Variants in ZEB2 observed in about 807,000 individuals in gnomAD.
ZEB2 encodes zinc finger E-box-binding homeobox 2.
In ZEB2, 6 loss-of-function variants were observed where a neutral mutation model predicts 99.9. The observed-to-expected ratio is 0.06, with a 90% CI of 0.03 to 0.12. The LOEUF is 0.12. Ranked by LOEUF, ZEB2 falls within the 10% of genes least tolerant of loss-of-function variation. The probability of loss-of-function intolerance (pLI) is 1.00; values close to 1 mark genes in which losing one functional copy is unlikely to be tolerated. For missense variants in ZEB2, 969 were observed against 1,502.8 expected (o/e 0.64, Z 5.87); for synonymous variants, 517 against 542.5 (o/e 0.95, Z 0.65).
chr2:144,424,220 T>TA, intron 4 of ZEB2: 1 of 356,672 alleles, frequency 2.8e-6, no homozygotes, highest in South Asian at 2.2e-5. Flanking sequence ...TTAGCTTCAT[T>TA]AAAAATAAGT....
chr2:144,479,135 A>G (rs1281461134), intron 2 of ZEB2, among the ~76,000 whole-genome samples: 1 of 152,244 alleles, frequency 6.6e-6, no homozygotes, highest in Non-Finnish European at 1.5e-5. Context: ...ATAGTTTAAA[A>G]ATAATTTTTA....
At position 144,399,653 on chromosome 2, in the gene ZEB2, C is replaced by T. The variant is rs141781307; in HGVS notation, c.1534G>A (p.Gly512Ser). 9 of 1,614,130 alleles carry T rather than the reference C, an allele frequency of 5.6e-6. No individual in the cohort carries two copies. The highest frequency in any genetic ancestry group is 5.0e-5 in the Admixed American group (3 of 60,020). The part of the protein sequence containing the change: ...GVTSPNIPPV[G>S]LPVVSHNGAT... ...CCATTATGACTCACTACCGGAAGAC[C>T]GACAGGCGGAATATTAGGAGAAGTA... The change falls in exon 8 of 10, where the codon GGT (glycine) becomes AGT (serine). Residue 512 changes from glycine (G) to serine (S), a missense_variant. By Grantham distance (56) the Gly-to-Ser change is moderately conservative (BLOSUM62 0). Around this residue, in one of 8 missense-constraint regions of ZEB2, gnomAD observed 227 missense variants for 278.2 expected, o/e 0.82. Coordinates refer to ENST00000627532, the MANE Select transcript of ZEB2 (RefSeq NM_014795.4). This position sits in a 1 kb window ranked among gnomAD's most constrained non-coding sequence, Gnocchi z 5.6.
chr2:144,428,315 C>G (rs2149890483), intron 3 of ZEB2: 1 of 152,262 alleles, frequency 6.6e-6, no homozygotes, highest in East Asian at 1.9e-4. Context: ...GAATCATTGG[C>G]TCTTATTATA....
chr2:144,407,577 A>C (rs1406833792), intron 4 of ZEB2, among the ~76,000 whole-genome samples: 3 of 152,202 alleles, frequency 2.0e-5, no homozygotes, highest in Non-Finnish European at 4.4e-5. Flanking sequence ...ATCACCTTTT[A>C]CTTTTGATGG....
intron 2 of ZEB2, chr2:144,513,706 G>C: frequency 2.0e-6 from 3 of 1,535,956 alleles, no homozygotes; most frequent in Non-Finnish European, 2.6e-6. Context: ...AGGGGCAAAA[G>C]CAACAAACTT....
chr2:144,452,379 GA>G (rs796140636), intron 2 of ZEB2, among the ~76,000 whole-genome samples: 7 of 149,856 alleles, frequency 4.7e-5, no homozygotes, highest in African/African-American at 7.4e-5. Flanking sequence ...CAAGGAAAAG[GA>G]AAAAAAAAGT....
chr2:144,443,739 A>T (rs1315887618), intron 2 of ZEB2, among the ~76,000 whole-genome samples: 1 of 152,146 alleles, frequency 6.6e-6, no homozygotes, highest in Non-Finnish European at 1.5e-5. Flanking sequence ...GATTCCTTTC[A>T]CTTTTCGCTC....
intron 2 of ZEB2, among the ~76,000 whole-genome samples, chr2:144,452,408 G>A (rs1456309236): frequency 6.6e-6 from 1 of 152,122 alleles, no homozygotes; most frequent in Non-Finnish European, 1.5e-5. Context: ...TGCTTCTAAG[G>A]AGAGGAAACA....
chr2:144,423,041 T>G (rs1703640786), intron 4 of ZEB2, among the ~76,000 whole-genome samples: 1 of 152,178 alleles, frequency 6.6e-6, no homozygotes, highest in Non-Finnish European at 1.5e-5. Context: ...ATTGATTTAT[T>G]TATTGACTGA....
intron 9 of ZEB2, chr2:144,390,443 C>T (rs1703141146): frequency 6.6e-6 from 2 of 302,560 alleles, no homozygotes; most frequent in African/African-American, 4.4e-5. Context: ...ATGGCATCAT[C>T]GCTGGCATTG....
chr2:144,425,640 A>G (rs1291782643), intron 3 of ZEB2, among the ~76,000 whole-genome samples: 1 of 152,140 alleles, frequency 6.6e-6, no homozygotes, highest in Non-Finnish European at 1.5e-5. Flanking sequence ...ATTGTCAAAA[A>G]CTGCAATATT....
chr2:144,441,631 A>G (rs1703919480), intron 2 of ZEB2, among the ~76,000 whole-genome samples: 1 of 152,104 alleles, frequency 6.6e-6, no homozygotes, highest in African/African-American at 2.4e-5. Context: ...TTTACTGTAA[A>G]CAAATGTACT....
chr2:144,440,718 T>C (rs1289830828), intron 2 of ZEB2, among the ~76,000 whole-genome samples: 1 of 151,606 alleles, frequency 6.6e-6, no homozygotes, highest in Non-Finnish European at 1.5e-5. Context: ...CCTTTACCCT[T>C]TAAATTTTTA....
intron 2 of ZEB2, among the ~76,000 whole-genome samples, chr2:144,459,655 C>G (rs1419666971): frequency 1.3e-5 from 2 of 152,164 alleles, no homozygotes; most frequent in Admixed American, 1.3e-4. Flanking sequence ...AAAAACACTT[C>G]ACAACTCATA....
intron 7 of ZEB2, among the ~76,000 whole-genome samples, chr2:144,400,961 T>C (rs2149877859): frequency 6.6e-6 from 1 of 152,332 alleles, no homozygotes; most frequent in African/African-American, 2.4e-5. Flanking sequence ...CTAGATTTTG[T>C]AATAAATCAA....
chr2:144,411,358 T>C (rs908038883), intron 4 of ZEB2, among the ~76,000 whole-genome samples: 3 of 151,952 alleles, frequency 2.0e-5, no homozygotes, highest in African/African-American at 7.3e-5. Flanking sequence ...ATGTAGTCAT[T>C]TGTATTGAGT....
chr2:144,494,299 A>G (rs1204809501), intron 2 of ZEB2: 1 of 152,186 alleles, frequency 6.6e-6, no homozygotes, highest in East Asian at 1.9e-4. Flanking sequence ...TAAAATCTAG[A>G]CTGTTGAAAA....
At chr2:144,414,616 C>G (rs1703511424) in intron 4 of ZEB2, among the ~76,000 whole-genome samples, 1 of 152,134 alleles carries the variant, frequency 6.6e-6, no homozygotes, top group Admixed American at 6.5e-5. Context: ...CCTCATTTAA[C>G]AGATGTTACA....
chr2:144,420,397 T>C (rs1467868320), intron 4 of ZEB2, among the ~76,000 whole-genome samples: 1 of 152,046 alleles, frequency 6.6e-6, no homozygotes, highest in African/African-American at 2.4e-5. Flanking sequence ...ACTGGCTTCA[T>C]TATTTATTTA....
Sources: allele counts gnomAD v4.1 joint callset (sites outside exome capture counted in the v4.1 genomes callset), GRCh38; gene constraint gnomAD v4.1.1; regional missense constraint gnomAD v4.1.1; non-coding constraint Gnocchi (gnomAD v3.1); transcripts MANE v1.5; gene names NCBI Gene and HGNC (gene_info 2026-07-23, HGNC 2026-07-21).